HTR1F: variants seen among roughly 807,000 people sequenced by gnomAD.
HTR1F encodes the protein 5-hydroxytryptamine (serotonin) receptor 1F, G protein-coupled.
HTR1F carries 17 observed loss-of-function variants against 24.0 expected under a neutral mutation model. The ratio of observed to expected loss-of-function variants is 0.71; its 90% confidence interval spans 0.48 to 1.06. The LOEUF (loss-of-function observed/expected upper bound fraction) is 1.06. HTR1F is among the 50% of genes least tolerant of loss of function. The pLI is 0.00. For synonymous variants in HTR1F, 186 were observed against 156.8 expected, an observed-to-expected ratio of 1.19 and a Z score of -1.39; for missense variants, 391 against 427.8, an observed-to-expected ratio of 0.91 and a Z score of 0.76.
intron 2 of HTR1F, among the ~76,000 whole-genome samples, chr3:87,849,679 G>A (rs1705036397): frequency 6.6e-6 from 1 of 151,726 alleles, no homozygotes; most frequent in African/African-American, 2.4e-5. Flanking sequence ...GCAACCTACA[G>A]AATGGGAGAA....
rs114077694 is a variant in HTR1F at position 87,807,032 on chromosome 3, C to T, written c.-160+14190C>T. Among the ~76,000 whole-genome samples the T allele has an allele frequency of 8.2e-3, 1,240 of 152,028 alleles. 26 individuals carry two copies. The highest frequency in any genetic ancestry group is 0.028 in the African/African-American group (1,176 of 41,504). Reference sequence around the variant, plus strand: ...TACCATGCGATCTTAGTTACCATAGCCTTGTAATATATTGAGTTTCAAGTA... The same window carrying T: ...TACCATGCGATCTTAGTTACCATAGTCTTGTAATATATTGAGTTTCAAGTA... On this transcript the variant is annotated intron_variant, in intron 1 of 2. Transcript: ENST00000319595.
chr3:87,946,041 G>T (rs1030625103), intron 2 of HTR1F, among the ~76,000 whole-genome samples: 2 of 152,174 alleles, frequency 1.3e-5, no homozygotes, highest in African/African-American at 4.8e-5. Flanking sequence ...TAGAAGCCGT[G>T]GGTCACGGAA....
chr3:87,817,437 T>C (rs1321488685), intron 1 of HTR1F, among the ~76,000 whole-genome samples: 1 of 152,140 alleles, frequency 6.6e-6, no homozygotes, highest in African/African-American at 2.4e-5. Context: ...TCAGAAGCAA[T>C]ACAAAGTTGA....
At chr3:87,858,924 G>A (rs1705257498) in intron 2 of HTR1F, among the ~76,000 whole-genome samples, 1 of 152,146 alleles carries the variant, frequency 6.6e-6, no homozygotes, top group Non-Finnish European at 1.5e-5. Flanking sequence ...GGCTGGATGT[G>A]TTGGCTCATG....
chr3:87,826,138 A>G (rs186293498), intron 2 of HTR1F, among the ~76,000 whole-genome samples: 1 of 152,280 alleles, frequency 6.6e-6, no homozygotes, highest in East Asian at 1.9e-4. Flanking sequence ...CTGTCTGCAG[A>G]AACTCTGCAT....
At chr3:87,941,323 T>A (rs1424598878) in intron 2 of HTR1F, among the ~76,000 whole-genome samples, 1 of 152,202 alleles carries the variant, frequency 6.6e-6, no homozygotes, top group Non-Finnish European at 1.5e-5. Flanking sequence ...TTTAGGGTTT[T>A]GGGATGAGCA....
chr3:87,794,982 CTTTTTTTTTTTTTTTTT>C (rs57368229), intron 1 of HTR1F, among the ~76,000 whole-genome samples: 2 of 90,414 alleles, frequency 2.2e-5, no homozygotes. Flanking sequence ...TTATGACTGA[CTTTTTTTTTTTTTTTTT>C]TTTTTTTTTT....
At chr3:87,921,381 T>C (rs1411331047) in intron 2 of HTR1F, among the ~76,000 whole-genome samples, 3 of 152,008 alleles carry the variant, frequency 2.0e-5, no homozygotes, top group Non-Finnish European at 4.4e-5. Flanking sequence ...TTGTATAGTT[T>C]ATGTGCAAGG....
chr3:87,880,615 T>C (rs1705770125), intron 2 of HTR1F, among the ~76,000 whole-genome samples: 1 of 151,552 alleles, frequency 6.6e-6, no homozygotes, highest in Non-Finnish European at 1.5e-5. Context: ...ACTCTTCAAA[T>C]TGTTCAGCTA....
intron 2 of HTR1F, among the ~76,000 whole-genome samples, chr3:87,853,706 T>C (rs1438504347): frequency 6.6e-6 from 1 of 152,100 alleles, no homozygotes; most frequent in East Asian, 1.9e-4. Context: ...TCTTTTCCTC[T>C]GCAACGTTGC....
At chr3:87,796,646 G>A (rs1317424559) in intron 1 of HTR1F, among the ~76,000 whole-genome samples, 1 of 152,148 alleles carries the variant, frequency 6.6e-6, no homozygotes, top group East Asian at 1.9e-4. Flanking sequence ...TGATATTATG[G>A]AAGCCAAAAG....
chr3:87,855,003 G>A (rs1251722276), intron 2 of HTR1F, among the ~76,000 whole-genome samples: 1 of 151,936 alleles, frequency 6.6e-6, no homozygotes. Context: ...ATCTTTCCTA[G>A]TTGTGTGTTC....
At chr3:87,882,093 A>C (rs1404584031) in intron 2 of HTR1F, among the ~76,000 whole-genome samples, 6 of 152,260 alleles carry the variant, frequency 3.9e-5, no homozygotes, top group Admixed American at 2.6e-4. Flanking sequence ...TATGCAGCCA[A>C]AAGACACATG....
Position 87,831,671 on chromosome 3 carries a change from AAATT to A in HTR1F, c.-43+9549_-43+9552del, listed in dbSNP as rs373376274. 3.4e-3 allele frequency among the ~76,000 whole-genome samples: 517 copies of A among 152,242 alleles called. 4 individuals carry two copies. The highest frequency in any genetic ancestry group is 0.01 in the Middle Eastern group (3 of 292). On this transcript the variant is annotated intron_variant, in intron 2 of 2. Transcript: ENST00000319595. ...GCCACTGCGCCCGGCCCACAGATACAAATTATTTCTATCCAGAAGAAAAACAAAC... is the reference window on the plus strand; with the variant it reads ...GCCACTGCGCCCGGCCCACAGATACAATTTCTATCCAGAAGAAAAACAAAC...
chr3:87,933,970 T>C (rs986917811), intron 2 of HTR1F, among the ~76,000 whole-genome samples: 4 of 152,238 alleles, frequency 2.6e-5, no homozygotes, highest in African/African-American at 9.6e-5. Context: ...ATTTTCTATA[T>C]TGCCACCTTA....
chr3:87,866,181 A>G (rs547894882), intron 2 of HTR1F, among the ~76,000 whole-genome samples: 33 of 152,248 alleles, frequency 2.2e-4, no homozygotes, highest in Non-Finnish European at 4.3e-4. Flanking sequence ...GAAAGTGTCA[A>G]ATAATTGTTC....
Position 87,806,451 on chromosome 3 carries a change from C to T in HTR1F, c.-160+13609C>T, listed in dbSNP as rs182200621. ...CATTTTAACTGGGGTAAAACAATAA[C>T]TCACTGTGGTTATGATTTACATTCC... On this transcript the variant is annotated intron_variant, in intron 1 of 2. Coordinates refer to ENST00000319595, the MANE Select transcript of HTR1F (RefSeq NM_001322209.2). Among the ~76,000 whole-genome samples, 620 of 152,070 alleles carry T rather than the reference C, an allele frequency of 4.1e-3. 2 individuals are homozygous for T. The highest frequency in any genetic ancestry group is 6.3e-3 in the Non-Finnish European group (426 of 67,904).
intron 2 of HTR1F, among the ~76,000 whole-genome samples, chr3:87,978,295 C>T (rs181773767): frequency 6.6e-6 from 1 of 152,300 alleles, no homozygotes; most frequent in Non-Finnish European, 1.5e-5. Flanking sequence ...GCTCTTCTTT[C>T]CTTCTCATCA....
At chr3:87,850,818 A>AC (rs1344218022) in intron 2 of HTR1F, among the ~76,000 whole-genome samples, 41 of 149,398 alleles carry the variant, frequency 2.7e-4, no homozygotes, top group Admixed American at 8.0e-4. Context: ...AACAACAACA[A>AC]AAAAAAAAAC....
Sources: gnomAD v4.1 joint callset for allele counts (sites outside exome capture counted in the v4.1 genomes callset) on GRCh38, gnomAD v4.1.1 for gene constraint, MANE v1.5 for transcripts, NCBI Gene and HGNC (gene_info 2026-07-23, HGNC 2026-07-21) for gene names.